LDLRAD4: variants seen among roughly 807,000 people sequenced by gnomAD.
LDLRAD4 encodes the protein low density lipoprotein receptor class A domain containing 4.
In LDLRAD4, 5 loss-of-function variants were observed where a neutral mutation model predicts 17.0. That is an observed-to-expected ratio of 0.29 (90% CI 0.15 to 0.62). The LOEUF (loss-of-function observed/expected upper bound fraction) is 0.62, where lower values mean the gene tolerates loss of function less well. Ranked by LOEUF, LDLRAD4 falls within the 20% of genes least tolerant of loss-of-function variation. The probability of loss-of-function intolerance (pLI) is 0.84; values close to 1 mark genes in which losing one functional copy is unlikely to be tolerated. For missense variants in LDLRAD4, 340 were observed against 424.7 expected (o/e 0.80, Z 1.75); for synonymous variants, 168 against 171.8 (o/e 0.98, Z 0.17).
At chr18:13,595,521 T>C (rs1202770521) in intron 3 of LDLRAD4, among the ~76,000 whole-genome samples, 1 of 152,148 alleles carries the variant, frequency 6.6e-6, no homozygotes, top group Non-Finnish European at 1.5e-5. Flanking sequence ...GAGGGTGTTT[T>C]GTTTTGTTTT....
chr18:13,651,959 C>A (rs763255864), exon 6 of LDLRAD4: 1 of 152,140 alleles, frequency 6.6e-6, no homozygotes, highest in Non-Finnish European at 1.5e-5. Flanking sequence ...AAAAGTCAGC[C>A]CTTTTAGTAT....
At chr18:13,301,325 G>C (rs777257466) in intron 1 of LDLRAD4, among the ~76,000 whole-genome samples, 1 of 152,104 alleles carries the variant, frequency 6.6e-6, no homozygotes, top group African/African-American at 2.4e-5. Context: ...TGGACCAGAT[G>C]AGCTTGAAGG....
At chr18:13,329,763 G>A (rs73419401) in intron 1 of LDLRAD4, among the ~76,000 whole-genome samples, 2,431 of 152,098 alleles carry the variant, frequency 0.016, 33 homozygotes, top group African/African-American at 0.044. Flanking sequence ...TGCCTAATCT[G>A]TCTTTTACTC....
At chr18:13,417,930 A>G (rs548247830) in intron 2 of LDLRAD4, among the ~76,000 whole-genome samples, 2 of 152,204 alleles carry the variant, frequency 1.3e-5, no homozygotes, top group South Asian at 4.1e-4. Context: ...CCTGGTAACC[A>G]CTGGGCACAG....
At chr18:13,628,485 G>A (rs892088743) in intron 4 of LDLRAD4, among the ~76,000 whole-genome samples, 1 of 152,206 alleles carries the variant, frequency 6.6e-6, no homozygotes, top group Admixed American at 6.5e-5. Flanking sequence ...CGGGTTGGCC[G>A]CAGCATGTCT....
At chr18:13,570,631 A>G (rs981459621) in intron 3 of LDLRAD4, among the ~76,000 whole-genome samples, 6 of 152,126 alleles carry the variant, frequency 3.9e-5, no homozygotes, top group Non-Finnish European at 7.4e-5. Context: ...GTACCTGGAG[A>G]GGGAAATGAG....
chr18:13,258,765 T>C (rs6505792), intron 1 of LDLRAD4, among the ~76,000 whole-genome samples: 88,860 of 152,100 alleles, frequency 0.58, 26,409 homozygotes, highest in African/African-American at 0.69. Context: ...GTATGAAGTT[T>C]AGCCTTTCAT....
chr18:13,314,637 T>C (rs1180926623), intron 1 of LDLRAD4, among the ~76,000 whole-genome samples: 1 of 152,150 alleles, frequency 6.6e-6, no homozygotes, highest in East Asian at 1.9e-4. Flanking sequence ...ATAAGGGGCA[T>C]GGAGCTGGAT....
intron 1 of LDLRAD4, among the ~76,000 whole-genome samples, chr18:13,355,768 A>G (rs2083298144): frequency 6.6e-6 from 1 of 152,102 alleles, no homozygotes. Flanking sequence ...AGTAGCTGGG[A>G]CCACATGCAT....
intron 1 of LDLRAD4, among the ~76,000 whole-genome samples, chr18:13,314,649 G>A (rs1567997183): frequency 6.6e-6 from 1 of 152,222 alleles, no homozygotes. Context: ...GAGCTGGATA[G>A]GTGAAGAACA....
Position 13,621,528 on chromosome 18 carries a change from C to A in LDLRAD4, c.336+257C>A, listed in dbSNP as rs894797266. Among the ~76,000 whole-genome samples, 1 of 152,214 alleles carries A rather than the reference C, an allele frequency of 6.6e-6. No individual in the cohort carries two copies. The highest frequency in any genetic ancestry group is 1.5e-5 in the Non-Finnish European group (1 of 68,034). ...CAGGTCTCCCCTGGATCTTTGCTGC[C>A]CGACGTGGCTTTGCCAGCTTCTGAG... is the stretch of plus-strand genomic sequence containing the variant. On this transcript the variant is annotated intron_variant, in intron 4 of 5. Coordinates refer to ENST00000359446, the Ensembl canonical transcript of LDLRAD4. This position sits in a 1 kb window ranked among gnomAD's most constrained non-coding sequence, Gnocchi z 5.5.
At chr18:13,321,075 TTGA>T (rs1184939523) in intron 1 of LDLRAD4, among the ~76,000 whole-genome samples, 2 of 152,268 alleles carry the variant, frequency 1.3e-5, no homozygotes, top group East Asian at 3.9e-4. Flanking sequence ...CCCTCTTGTG[TTGA>T]TGAAGGCAGC....
chr18:13,532,726 A>G (rs890534681), intron 3 of LDLRAD4, among the ~76,000 whole-genome samples: 3 of 152,254 alleles, frequency 2.0e-5, no homozygotes, highest in Non-Finnish European at 4.4e-5. Flanking sequence ...AGGCATGTTC[A>G]TCTGTGTAAT....
At chr18:13,612,509 C>T in intron 3 of LDLRAD4, 1 of 1,392,334 alleles carries the variant, frequency 7.2e-7, no homozygotes, top group Non-Finnish European at 9.3e-7. Flanking sequence ...CCTGCTGATA[C>T]AGTAGAGAGA....
At chr18:13,332,344 C>T (rs1019933901) in intron 1 of LDLRAD4, among the ~76,000 whole-genome samples, 6 of 152,204 alleles carry the variant, frequency 3.9e-5, no homozygotes, top group Non-Finnish European at 8.8e-5. Context: ...AACCAGCCTC[C>T]TCCGCCATCA....
At chr18:13,566,807 A>G (rs1045029925) in intron 3 of LDLRAD4, among the ~76,000 whole-genome samples, 3 of 152,246 alleles carry the variant, frequency 2.0e-5, no homozygotes, top group Non-Finnish European at 4.4e-5. Flanking sequence ...TTAAATATGT[A>G]TAGGTTTACT....
At chr18:13,382,893 T>C (rs923800920) in intron 1 of LDLRAD4, among the ~76,000 whole-genome samples, 19 of 152,398 alleles carry the variant, frequency 1.2e-4, no homozygotes, top group African/African-American at 4.3e-4. Context: ...GGCGCAGTTC[T>C]TGCGCCTCCA....
At chr18:13,292,936 A>G (rs935712975) in intron 1 of LDLRAD4, among the ~76,000 whole-genome samples, 4 of 152,238 alleles carry the variant, frequency 2.6e-5, no homozygotes, top group East Asian at 1.9e-4. Flanking sequence ...GACGGAGGCC[A>G]TGCGGATTCC....
chr18:13,301,439 G>C (rs892003280), intron 1 of LDLRAD4, among the ~76,000 whole-genome samples: 1 of 152,004 alleles, frequency 6.6e-6, no homozygotes, highest in African/African-American at 2.4e-5. Flanking sequence ...TGGGGCGAGG[G>C]GGGTGGGGAA....
Sources: allele counts gnomAD v4.1 joint callset (sites outside exome capture counted in the v4.1 genomes callset), GRCh38; gene constraint gnomAD v4.1.1; non-coding constraint Gnocchi (gnomAD v3.1); transcripts MANE v1.5; gene names NCBI Gene and HGNC (gene_info 2026-07-23, HGNC 2026-07-21).